The following DDI2 variants were observed in gnomAD, a reference collection of about 807,000 sequenced individuals.
DDI2 encodes DDI proteasomal shuttling factor 2, also known as protein DDI1 homolog 2.
In DDI2, 5 loss-of-function variants were observed where a neutral mutation model predicts 48.1. The observed-to-expected ratio is 0.10, with a 90% CI of 0.05 to 0.22. The LOEUF (loss-of-function observed/expected upper bound fraction) is 0.22. DDI2 is among the 10% of genes least tolerant of loss of function. DDI2 has a pLI of 1.00. For missense variants in DDI2, 285 were observed against 506.2 expected (o/e 0.56, Z 4.19); for synonymous variants, 205 against 183.6 (o/e 1.12, Z -0.94).
intron 2 of DDI2, among the ~76,000 whole-genome samples, chr1:15,629,642 T>G (rs942161962): frequency 2.0e-5 from 3 of 151,940 alleles, no homozygotes; most frequent in African/African-American, 7.2e-5. Context: ...CAAGGCTGTT[T>G]GAACCATATG....
At chr1:15,639,417 T>G (rs763802454) in intron 5 of DDI2, among the ~76,000 whole-genome samples, 18 of 152,162 alleles carry the variant, frequency 1.2e-4, no homozygotes, top group Non-Finnish European at 2.4e-4. Flanking sequence ...AAAAAAGTAT[T>G]TTCTTTCATT....
chr1:15,643,486 TTGTTTTTATTGTCTGA>T lies in DDI2; in HGVS notation c.761-30_761-15del. 6.3e-7 allele frequency: 1 copy of T among 1,599,924 alleles called. No individual in the cohort carries two copies. Among genetic ancestry groups the T allele is most frequent in the Non-Finnish European group, 8.5e-7 (1 of 1,173,962 alleles). ...TTTGAGTCTTCTCACAAAGTGGATT[TTGTTTTTATTGTCTGA>T]TGTTTCTCTACTCCTCCAGGTGCCC... On this transcript the variant is annotated intron_variant, in intron 5 of 9. Transcript: ENST00000480945.
intron 5 of DDI2, among the ~76,000 whole-genome samples, chr1:15,640,232 A>C (rs1639986477): frequency 6.6e-6 from 1 of 152,144 alleles, no homozygotes; most frequent in Non-Finnish European, 1.5e-5. Flanking sequence ...GTGTGTATTG[A>C]TTCCTTATTG....
chr1:15,636,500 T>A (rs1451147737), intron 4 of DDI2, among the ~76,000 whole-genome samples: 2 of 150,832 alleles, frequency 1.3e-5, no homozygotes, highest in Non-Finnish European at 2.9e-5. Context: ...AAAAAAAGTA[T>A]CTTGCTCTGT....
chr1:15,630,570 A>G lies in DDI2; in HGVS notation c.505+9A>G, dbSNP rs2103465092. On this transcript the variant is annotated intron_variant, in intron 3 of 9. Transcript: ENST00000480945. The stretch of plus-strand genomic sequence containing the variant: ...GCTCAGTGGAGACCTTGGTAAGCTT[A>G]TAAATTTGGAAGGCTATTAGGCTGG... 6.3e-7 allele frequency: 1 copy of G among 1,599,192 alleles called. No homozygotes were observed. The highest frequency in any genetic ancestry group is 8.6e-7 in the Non-Finnish European group (1 of 1,166,684).
Position 15,651,782 on chromosome 1 carries a change from A to G in DDI2, c.1070A>G (p.Glu357Gly). The G allele has an allele frequency of 6.2e-7, 1 of 1,613,976 alleles. No individual in the cohort carries two copies. The highest frequency in any genetic ancestry group is 8.5e-7 in the Non-Finnish European group (1 of 1,179,944). ...GSQTTFLPEGELPECARLAYG... is the reference protein window; with the variant it reads ...GSQTTFLPEGGLPECARLAYG... ...CAGACCACCTTTCTTCCTGAGGGAG[A>G]GCTACCAGAGTGTGCCCGGTTGGCA... The change falls in exon 8 of 10, where the codon GAG (glutamate) becomes GGG (glycine). Residue 357 changes from glutamate (E) to glycine (G), a missense_variant. Coordinates refer to ENST00000480945, the MANE Select transcript of DDI2 (RefSeq NM_032341.5).
chr1:15,638,561 G>T (rs1261544518), intron 5 of DDI2, 127 bp downstream of exon 5: 57 of 1,014,666 alleles, frequency 5.6e-5, no homozygotes, highest in Non-Finnish European at 7.5e-5. Context: ...TTGAGACAGA[G>T]TCTTGCTCTG....
chr1:15,655,446 CT>C (rs112221616), intron 8 of DDI2, among the ~76,000 whole-genome samples: 48,137 of 150,356 alleles, frequency 0.32, 8,548 homozygotes, highest in African/African-American at 0.46. Context: ...TGGCAAAACA[CT>C]TGTTTCTAAA....
chr1:15,631,687 C>T (rs1639845569), intron 3 of DDI2, among the ~76,000 whole-genome samples: 1 of 152,176 alleles, frequency 6.6e-6, no homozygotes, highest in African/African-American at 2.4e-5. Context: ...GTGTTGCTTT[C>T]TAGTCAATCT....
rs1353582525 is a variant in DDI2, at chr1:15,642,776, TA to T, written c.761-745del. Among the ~76,000 whole-genome samples, 3 of 151,970 alleles carry T rather than the reference TA, an allele frequency of 2.0e-5. No homozygotes were observed. In the East Asian group the frequency reaches 5.8e-4, roughly 29 times the overall value. ...CCATCTCTACTAAAAATACAAAAAT[TA>T]GCTGGACGTGCCGGGTGCAGTGGCT... On this transcript the variant is annotated intron_variant, in intron 5 of 9. Coordinates refer to ENST00000480945, the MANE Select transcript of DDI2 (RefSeq NM_032341.5).
intron 4 of DDI2, chr1:15,634,083 C>G (rs1172389782): frequency 9.5e-6 from 2 of 209,694 alleles, no homozygotes; most frequent in Non-Finnish European, 2.0e-5. Context: ...GAATGCTGGA[C>G]ATGTTTCCAG....
chr1:15,637,276 GAAACTCCTGAGCTC>G (rs1264954676), intron 4 of DDI2, among the ~76,000 whole-genome samples: 6 of 151,512 alleles, frequency 4.0e-5, no homozygotes, highest in South Asian at 4.2e-4. Context: ...GGGCTGGTTT[GAAACTCCTGAGCTC>G]AAACTCCTGA....
chr1:15,651,664 G>A (rs755052388), intron 7 of DDI2, 42 bp from the exon 8 acceptor site: 7 of 1,534,898 alleles, frequency 4.6e-6, no homozygotes, highest in Non-Finnish European at 5.3e-6. Flanking sequence ...TTTTCTGCAT[G>A]GTGTTTTATC....
chr1:15,619,207 G>A (rs550430978), intron 1 of DDI2, among the ~76,000 whole-genome samples: 16 of 151,782 alleles, frequency 1.1e-4, no homozygotes, highest in African/African-American at 3.6e-4. Context: ...TGCAACCCCA[G>A]TCTCCCGGGT....
intron 1 of DDI2, among the ~76,000 whole-genome samples, chr1:15,620,030 C>T (rs746303065): frequency 3.3e-5 from 5 of 152,230 alleles, no homozygotes; most frequent in Non-Finnish European, 7.4e-5. Flanking sequence ...CAGACATTGC[C>T]CTCTGCCAGT....
intron 5 of DDI2, among the ~76,000 whole-genome samples, chr1:15,643,062 C>G (rs950777261): frequency 2.6e-5 from 4 of 151,744 alleles, no homozygotes. Context: ...GCGAGACTGT[C>G]TCAACAACAA....
chr1:15,647,857 A>G (rs1386296372), intron 6 of DDI2, among the ~76,000 whole-genome samples: 1 of 152,112 alleles, frequency 6.6e-6, no homozygotes, highest in Admixed American at 6.6e-5. Context: ...CCAGCTACTC[A>G]GGAGGCTGAG....
In DDI2 at chr1:15,666,420, C is replaced by A. The variant is rs981264521; in HGVS notation, c.*6630C>A. The A allele has an allele frequency of 6.6e-6, 1 of 152,180 alleles. No individual in the cohort carries two copies. The highest frequency in any genetic ancestry group is 1.5e-5 in the Non-Finnish European group (1 of 68,022). The allele number at this position is 152,180 out of a possible 1,614,324, so 9.4% of individuals were successfully genotyped here. On this transcript the variant is annotated 3_prime_UTR_variant, in exon 10 of 10. Coordinates refer to ENST00000480945, the MANE Select transcript of DDI2 (RefSeq NM_032341.5). ...GAGTTGATTCACAGTTATCCTGCAT[C>A]AGACCATTAGATTTCTTTAGTGCTA...
chr1:15,618,489 AGCCAGAAG>A (rs553587637), intron 1 of DDI2, among the ~76,000 whole-genome samples: 2 of 152,270 alleles, frequency 1.3e-5, no homozygotes, highest in East Asian at 3.9e-4. Flanking sequence ...CCTGGTAGTA[AGCCAGAAG>A]GCCCTTTTTC....
Sources: gnomAD v4.1 joint callset for allele counts (sites outside exome capture counted in the v4.1 genomes callset) on GRCh38, gnomAD v4.1.1 for gene constraint, MANE v1.5 for transcripts, NCBI Gene and HGNC (gene_info 2026-07-23, HGNC 2026-07-21) for gene names.